The following ACVR1B variants were observed in gnomAD, a reference collection of about 807,000 sequenced individuals.
ACVR1B encodes the protein activin receptor type-1B.
In ACVR1B, 15 loss-of-function variants were observed where a neutral mutation model predicts 55.6. The observed-to-expected ratio is 0.27, with a 90% CI of 0.18 to 0.42. The LOEUF is 0.42. Ranked by LOEUF, ACVR1B falls within the 10% of genes least tolerant of loss-of-function variation. The pLI is 1.00. For missense variants in ACVR1B, 359 were observed against 670.1 expected, an observed-to-expected ratio of 0.54 and a Z score of 5.13; for synonymous variants, 247 against 254.6, an observed-to-expected ratio of 0.97 and a Z score of 0.28.
At chr12:51,981,261 A>C in intron 4 of ACVR1B, 62 bp downstream of exon 4, 8 of 1,399,772 alleles carry the variant, frequency 5.7e-6, no homozygotes, top group Non-Finnish European at 7.0e-6. Flanking sequence ...GTGCATAGCT[A>C]TGGGGTGCAC....
At chr12:51,990,309 G>T (rs1394194779) in intron 7 of ACVR1B, among the ~76,000 whole-genome samples, 9 of 112,548 alleles carry the variant, frequency 8.0e-5, no homozygotes, top group South Asian at 3.0e-4. Context: ...CACAAATTTA[G>T]TGCTTTTTTT....
intron 7 of ACVR1B, among the ~76,000 whole-genome samples, chr12:51,989,033 G>A (rs970108117): frequency 6.6e-6 from 1 of 152,212 alleles, no homozygotes; most frequent in East Asian, 1.9e-4. Flanking sequence ...GGGAGGCCAA[G>A]GTGGGCGGAT....
chr12:51,980,524 A>T (rs907332912), intron 3 of ACVR1B, among the ~76,000 whole-genome samples: 1 of 152,246 alleles, frequency 6.6e-6, no homozygotes, highest in African/African-American at 2.4e-5. Context: ...CTAGTGGCTA[A>T]TAAGCAGAAC....
intron 1 of ACVR1B, among the ~76,000 whole-genome samples, chr12:51,967,249 CCAAACAAA>C (rs60413781): frequency 6.9e-6 from 1 of 145,156 alleles, no homozygotes; most frequent in African/African-American, 2.6e-5. Context: ...CAAAAAAAAA[CCAAACAAA>C]CAAACAAATA....
intron 1 of ACVR1B, among the ~76,000 whole-genome samples, chr12:51,957,843 C>G (rs577951720): frequency 3.5e-4 from 53 of 152,228 alleles, no homozygotes; most frequent in Middle Eastern, 3.2e-3. Flanking sequence ...ATATCACTAT[C>G]TTCTTGCACT....
At chr12:51,963,395 C>T (rs1941574827) in intron 1 of ACVR1B, among the ~76,000 whole-genome samples, 1 of 152,164 alleles carries the variant, frequency 6.6e-6, no homozygotes, top group Non-Finnish European at 1.5e-5. Context: ...CAGGCATGCG[C>T]CACCGCGCCC....
At chr12:51,980,035 C>G (rs1275970207) in intron 3 of ACVR1B, among the ~76,000 whole-genome samples, 1 of 152,072 alleles carries the variant, frequency 6.6e-6, no homozygotes, top group East Asian at 1.9e-4. Context: ...TCAGACAGTC[C>G]TAGATTTTAA....
chr12:51,981,248 A>G (rs755965410), intron 4 of ACVR1B, 49 bp downstream of exon 4: 3 of 1,529,722 alleles, frequency 2.0e-6, no homozygotes, highest in Non-Finnish European at 2.7e-6. Context: ...GATGCTAGAG[A>G]AAGTGCATAG....
intron 1 of ACVR1B, among the ~76,000 whole-genome samples, chr12:51,969,441 A>G (rs912944123): frequency 3.3e-5 from 5 of 152,190 alleles, no homozygotes; most frequent in African/African-American, 9.7e-5. Flanking sequence ...TGTTACTCCT[A>G]TATGTGTAAA....
At chr12:51,992,153 T>TTGGG in intron 8 of ACVR1B, 160 bp downstream of exon 8, 3 of 925,860 alleles carry the variant, frequency 3.2e-6, no homozygotes, top group Non-Finnish European at 3.2e-6. Flanking sequence ...CCTTTAGGGC[T>TTGGG]ACAGTCTCTT....
intron 1 of ACVR1B, among the ~76,000 whole-genome samples, chr12:51,952,579 T>G (rs1005678143): frequency 3.9e-5 from 6 of 152,166 alleles, no homozygotes; most frequent in Admixed American, 1.3e-4. Context: ...CCTAACCCTA[T>G]GGAACCGAGT....
intron 1 of ACVR1B, among the ~76,000 whole-genome samples, chr12:51,970,609 T>G (rs956836710): frequency 3.9e-5 from 6 of 152,162 alleles, no homozygotes; most frequent in African/African-American, 7.2e-5. Flanking sequence ...CTGGAGAGGG[T>G]TGGGATAAGG....
At chr12:51,959,445 G>C (rs1158591691) in intron 1 of ACVR1B, among the ~76,000 whole-genome samples, 1 of 152,238 alleles carries the variant, frequency 6.6e-6, no homozygotes, top group Non-Finnish European at 1.5e-5. Flanking sequence ...GGAACATGGG[G>C]ACCTCAGTCC....
intron 7 of ACVR1B, among the ~76,000 whole-genome samples, chr12:51,989,735 C>T (rs1028763722): frequency 6.6e-6 from 1 of 152,130 alleles, no homozygotes; most frequent in Non-Finnish European, 1.5e-5. Context: ...CCTGTAATCT[C>T]AGCACTTTTG....
intron 3 of ACVR1B, among the ~76,000 whole-genome samples, chr12:51,977,790 T>TTTC (rs1263011471): frequency 6.7e-6 from 1 of 149,776 alleles, no homozygotes; most frequent in African/African-American, 2.4e-5. Flanking sequence ...GCAATTTTTT[T>TTTC]TTTTTTTTTT....
rs1328289074 is a variant in ACVR1B at position 51,981,055 on chromosome 12, C to T, written c.667C>T (p.Arg223Trp). The part of the protein sequence containing the change: ...IGKGRFGEVW[R>W]GRWRGGDVAV... ...CAAGGGTCGGTTTGGGGAAGTATGG[C>T]GGGGCCGCTGGAGGGGTGGTGATGT... The change falls in exon 4 of 9, where the codon CGG becomes TGG. Residue 223 changes from arginine to tryptophan, a missense_variant. This residue lies in a region of ACVR1B where 119 missense variants were observed against 340.2 expected (regional missense o/e 0.35). Coordinates refer to ENST00000257963, the MANE Select transcript of ACVR1B (RefSeq NM_004302.5). 5 of 1,613,616 alleles carry T rather than the reference C, an allele frequency of 3.1e-6. No individual in the cohort carries two copies. Among genetic ancestry groups the T allele is most frequent in the East Asian group, 2.2e-5 (1 of 44,898 alleles).
At chr12:51,953,272 A>C in intron 1 of ACVR1B, 1 of 906,772 alleles carries the variant, frequency 1.1e-6, no homozygotes, top group Non-Finnish European at 1.3e-6. Context: ...GACAGTCAAG[A>C]AAAGACACCA....
At chr12:51,954,168 C>T (rs948342499) in intron 1 of ACVR1B, among the ~76,000 whole-genome samples, 6 of 152,268 alleles carry the variant, frequency 3.9e-5, no homozygotes, top group Non-Finnish European at 8.8e-5. Flanking sequence ...AGCCAGACAG[C>T]TCTGATGCCT....
Position 51,982,156 on chromosome 12 carries a change from C to A in ACVR1B, c.811+957C>A, listed in dbSNP as rs182352587. ...TGTTGAGCACAAATTGGGGCTGACT[C>A]GCACCTGAGCCCAGTTGAGACAAAG... is the stretch of plus-strand genomic sequence containing the variant. On this transcript the variant is annotated intron_variant, in intron 4 of 8. Coordinates refer to ENST00000257963, the MANE Select transcript of ACVR1B (RefSeq NM_004302.5). Among the ~76,000 whole-genome samples, 179 of 152,200 alleles carry A rather than the reference C, an allele frequency of 1.2e-3. 1 individual carries two copies. The highest frequency in any genetic ancestry group is 4.2e-3 in the African/African-American group (173 of 41,516).
Sources: allele counts gnomAD v4.1 joint callset (sites outside exome capture counted in the v4.1 genomes callset), GRCh38; gene constraint gnomAD v4.1.1; regional missense constraint gnomAD v4.1.1; transcripts MANE v1.5; gene names NCBI Gene and HGNC (gene_info 2026-07-23, HGNC 2026-07-21).